Variants in NUBPL observed in about 807,000 individuals in gnomAD.
The protein encoded by NUBPL is NUBP iron-sulfur cluster assembly factor, mitochondrial.
A neutral mutation model predicts 45.7 loss-of-function variants in NUBPL; 31 were observed. The observed-to-expected ratio is 0.68, with a 90% CI of 0.51 to 0.92. The LOEUF (loss-of-function observed/expected upper bound fraction) is 0.92. Among genes scored for constraint, NUBPL ranks in the 40% least tolerant of loss-of-function variants. The pLI, the probability that NUBPL is intolerant of heterozygous loss-of-function variation, is 0.00. For missense variants in NUBPL, 401 were observed against 398.7 expected (o/e 1.01, Z -0.05); for synonymous variants, 144 against 140.9 (o/e 1.02, Z -0.15).
intron 8 of NUBPL, chr14:31,844,976 A>T (rs2040429746): frequency 6.6e-6 from 1 of 152,164 alleles, no homozygotes; most frequent in Non-Finnish European, 1.5e-5. Context: ...TTTCTTAAGT[A>T]TCATCTTCCC....
At chr14:31,808,457 C>T (rs949724912) in intron 7 of NUBPL, among the ~76,000 whole-genome samples, 5 of 152,118 alleles carry the variant, frequency 3.3e-5, no homozygotes, top group South Asian at 2.1e-4. Flanking sequence ...GTGATTTTTG[C>T]ACATTGATTT....
rs899320043 is a variant in NUBPL, at chr14:31,814,796, C to G, written c.608-11833C>G. ...CAACATCACTTATTAAATAGGGAAT[C>G]CTTTCCCCATTGCTGGTTTTTGGCA... On this transcript the variant is annotated intron_variant, in intron 7 of 10. Transcript: ENST00000281081. 3.3e-5 allele frequency among the ~76,000 whole-genome samples: 5 copies of G among 152,258 alleles called. No homozygotes were observed. The East Asian group carries it at 5.8e-4, about 18-fold the overall frequency.
chr14:31,612,270 T>G (rs1265524705), intron 4 of NUBPL, among the ~76,000 whole-genome samples: 2 of 152,178 alleles, frequency 1.3e-5, no homozygotes, highest in Non-Finnish European at 2.9e-5. Context: ...CTCAGACAAA[T>G]CTATAGGAAA....
intron 6 of NUBPL, among the ~76,000 whole-genome samples, chr14:31,778,632 G>C (rs1175487529): frequency 6.6e-6 from 1 of 152,188 alleles, no homozygotes; most frequent in South Asian, 2.1e-4. Context: ...TTCCAGTAAG[G>C]TTTAACTACT....
intron 7 of NUBPL, among the ~76,000 whole-genome samples, chr14:31,789,730 G>A (rs74525973): frequency 0.012 from 1,775 of 152,096 alleles, 35 homozygotes; most frequent in African/African-American, 0.041. Flanking sequence ...CAAAATATAC[G>A]TGTTGTTTGG....
intron 6 of NUBPL, among the ~76,000 whole-genome samples, chr14:31,716,610 G>T (rs1203360389): frequency 6.6e-6 from 1 of 152,162 alleles, no homozygotes; most frequent in African/African-American, 2.4e-5. Context: ...AGTAAATGGT[G>T]CAGCCAACAT....
Position 31,815,842 on chromosome 14 carries a change from G to A in NUBPL, c.608-10787G>A, listed in dbSNP as rs550214157. 2.0e-5 allele frequency among the ~76,000 whole-genome samples: 3 copies of A among 152,202 alleles called. No homozygotes were observed. The East Asian group carries it at 5.8e-4, about 29-fold the overall frequency. ...GTTTATGTGATGGATTATTTTTATT[G>A]ATTTGCATATATTTAACCAGCCTTG... On this transcript the variant is annotated intron_variant, in intron 7 of 10. Transcript: ENST00000281081.
chr14:31,746,206 C>T (rs2038396406), intron 6 of NUBPL, among the ~76,000 whole-genome samples: 1 of 152,008 alleles, frequency 6.6e-6, no homozygotes, highest in Non-Finnish European at 1.5e-5. Context: ...ATTGCTCTGG[C>T]TAGGACTTCC....
At position 31,644,412 on chromosome 14, in the gene NUBPL, T is replaced by C. The variant is rs180672171; in HGVS notation, c.383-28943T>C. On this transcript the variant is annotated intron_variant, in intron 4 of 10. Coordinates refer to ENST00000281081, the MANE Select transcript of NUBPL (RefSeq NM_025152.3). The stretch of plus-strand genomic sequence containing the variant: ...CTTCTTAATTTCTTCATTGACCCAT[T>C]GGTCATTCTGGACATGTTGTTTAAT... Among the ~76,000 whole-genome samples, 304 of 152,304 alleles carry C rather than the reference T, an allele frequency of 2.0e-3. 1 individual carries two copies. Among genetic ancestry groups the C allele is most frequent in the African/African-American group, 6.7e-3 (280 of 41,584 alleles).
chr14:31,785,529 T>C (rs8010603), intron 6 of NUBPL, among the ~76,000 whole-genome samples: 88,259 of 152,008 alleles, frequency 0.58, 26,867 homozygotes, highest in African/African-American at 0.78. Flanking sequence ...TGTCCCCTGC[T>C]CCCATCCATG....
intron 6 of NUBPL, among the ~76,000 whole-genome samples, chr14:31,743,388 GT>G (rs2038326961): frequency 6.6e-6 from 1 of 151,942 alleles, no homozygotes; most frequent in Non-Finnish European, 1.5e-5. Flanking sequence ...GTTTCATTTT[GT>G]TTTAAATTGA....
At chr14:31,772,792 C>T (rs2039031270) in intron 6 of NUBPL, among the ~76,000 whole-genome samples, 1 of 152,076 alleles carries the variant, frequency 6.6e-6, no homozygotes, top group African/African-American at 2.4e-5. Context: ...TCTTTTATCT[C>T]TTAAAATTGT....
intron 3 of NUBPL, among the ~76,000 whole-genome samples, chr14:31,567,736 A>T (rs1410488260): frequency 6.6e-6 from 1 of 152,218 alleles, no homozygotes; most frequent in East Asian, 1.9e-4. Context: ...ACCTCTGCTT[A>T]CTTAGGATGG....
intron 4 of NUBPL, among the ~76,000 whole-genome samples, chr14:31,640,064 C>T (rs549066125): frequency 7.2e-5 from 11 of 152,262 alleles, no homozygotes; most frequent in South Asian, 6.2e-4. Context: ...CGCCCTGCTT[C>T]GGCTCCGGCA....
chr14:31,778,175 A>G (rs1418415879), intron 6 of NUBPL, among the ~76,000 whole-genome samples: 1 of 152,224 alleles, frequency 6.6e-6, no homozygotes, highest in Non-Finnish European at 1.5e-5. Flanking sequence ...GAATTTGCAT[A>G]AGATCTGTCT....
intron 6 of NUBPL, among the ~76,000 whole-genome samples, chr14:31,699,892 A>G (rs765835274): frequency 3.3e-5 from 5 of 152,196 alleles, no homozygotes; most frequent in African/African-American, 1.2e-4. Context: ...TAATTCATTT[A>G]TTAAGTATAG....
At chr14:31,736,727 A>G (rs943067251) in intron 6 of NUBPL, among the ~76,000 whole-genome samples, 3 of 152,164 alleles carry the variant, frequency 2.0e-5, no homozygotes, top group Non-Finnish European at 4.4e-5. Context: ...TAGAAATGTG[A>G]CTGCTGGATT....
chr14:31,788,334 T>C (rs1039466766), intron 7 of NUBPL, among the ~76,000 whole-genome samples: 7 of 151,926 alleles, frequency 4.6e-5, no homozygotes, highest in Non-Finnish European at 4.4e-5. Flanking sequence ...GAGTTCAACA[T>C]TGCAGTTTTC....
At chr14:31,736,480 A>G (rs2038168389) in intron 6 of NUBPL, among the ~76,000 whole-genome samples, 1 of 152,186 alleles carries the variant, frequency 6.6e-6, no homozygotes, top group Non-Finnish European at 1.5e-5. Context: ...AAAATCTTTT[A>G]ATGTCTTCTC....
Sources: gnomAD v4.1 joint callset for allele counts (sites outside exome capture counted in the v4.1 genomes callset) on GRCh38, gnomAD v4.1.1 for gene constraint, MANE v1.5 for transcripts, NCBI Gene and HGNC (gene_info 2026-07-23, HGNC 2026-07-21) for gene names.